Variants in ARFGEF1 observed in about 807,000 individuals in gnomAD.
ARFGEF1 encodes ARF guanine nucleotide exchange factor 1.
ARFGEF1 carries 42 observed loss-of-function variants against 231.0 expected under a neutral mutation model. The observed-to-expected ratio is 0.18, with a 90% CI of 0.14 to 0.24. The LOEUF is 0.24. Ranked by LOEUF, ARFGEF1 falls within the 10% of genes least tolerant of loss-of-function variation. ARFGEF1 has a pLI of 1.00. For synonymous variants in ARFGEF1, 710 were observed against 732.3 expected (o/e 0.97, Z 0.49); for missense variants, 1,345 against 2,192.0 (o/e 0.61, Z 7.72).
chr8:67,328,022 T>G (rs1282764009), intron 1 of ARFGEF1, among the ~76,000 whole-genome samples: 2 of 152,116 alleles, frequency 1.3e-5, no homozygotes, highest in African/African-American at 4.8e-5. Flanking sequence ...CTAGAAGAAT[T>G]TGAAATAGAG....
intron 1 of ARFGEF1, among the ~76,000 whole-genome samples, chr8:67,319,815 T>C (rs1807494919): frequency 6.6e-6 from 1 of 152,154 alleles, no homozygotes; most frequent in Admixed American, 6.5e-5. Flanking sequence ...ATCTAGAATA[T>C]ATACTTTAAA....
intron 29 of ARFGEF1, among the ~76,000 whole-genome samples, chr8:67,222,220 T>TATACAC (rs1563846486): frequency 4.6e-4 from 55 of 120,784 alleles, no homozygotes; most frequent in African/African-American, 1.7e-3. Context: ...CACATATATA[T>TATACAC]ATATGTATAT....
At chr8:67,255,427 T>C (rs1224214211) in intron 17 of ARFGEF1, among the ~76,000 whole-genome samples, 4 of 152,060 alleles carry the variant, frequency 2.6e-5, no homozygotes, top group Admixed American at 1.3e-4. Flanking sequence ...TGCCTAAAAT[T>C]TTTTTTTAAT....
intron 1 of ARFGEF1, among the ~76,000 whole-genome samples, chr8:67,313,796 C>T (rs998485476): frequency 3.3e-5 from 5 of 152,238 alleles, no homozygotes; most frequent in Admixed American, 6.5e-5. Flanking sequence ...TGGAGAGGGA[C>T]CTGCAGTAGA....
chr8:67,288,696 G>A (rs1456140645), intron 6 of ARFGEF1, among the ~76,000 whole-genome samples: 1 of 151,890 alleles, frequency 6.6e-6, no homozygotes, highest in African/African-American at 2.4e-5. Context: ...CTGCACCACC[G>A]CACTCCACCC....
chr8:67,179,785 G>A, intron 5 of ARFGEF1: 1 of 927,008 alleles, frequency 1.1e-6, no homozygotes, highest in Non-Finnish European at 1.8e-6. Context: ...GTGGAAACTT[G>A]TGCCTCTTCT....
chr8:67,338,789 C>T (rs1808464127), intron 1 of ARFGEF1, among the ~76,000 whole-genome samples: 1 of 152,184 alleles, frequency 6.6e-6, no homozygotes, highest in Non-Finnish European at 1.5e-5. Flanking sequence ...ACTGAAAACA[C>T]CTTTTACTTT....
intron 7 of ARFGEF1, among the ~76,000 whole-genome samples, chr8:67,281,299 A>C (rs1425251954): frequency 6.6e-6 from 1 of 152,080 alleles, no homozygotes; most frequent in African/African-American, 2.4e-5. Context: ...AGAATTAACA[A>C]TAACAACAAA....
intron 5 of ARFGEF1, chr8:67,177,796 A>G: frequency 9.6e-7 from 1 of 1,041,402 alleles, no homozygotes; most frequent in Admixed American, 1.7e-5. Context: ...TATGATGATC[A>G]AGTAATTCAA....
chr8:67,289,026 CTG>C lies in ARFGEF1; in HGVS notation c.917-963_917-962del, dbSNP rs201102332. On this transcript the variant is annotated intron_variant, in intron 6 of 38. Coordinates refer to ENST00000262215, the MANE Select transcript of ARFGEF1 (RefSeq NM_006421.5). ...GAACTTCTGAATAGCCTAAGAGAAA[CTG>C]ATGAAATCTGATGTTCTGGATAGCT... is the stretch of plus-strand genomic sequence containing the variant. Among the ~76,000 whole-genome samples, 55 of 151,946 alleles carry C rather than the reference CTG, an allele frequency of 3.6e-4. No homozygotes were observed. The East Asian group carries it at 8.5e-3, about 24-fold the overall frequency.
At chr8:67,315,203 A>G (rs1807250670) in intron 1 of ARFGEF1, among the ~76,000 whole-genome samples, 1 of 152,218 alleles carries the variant, frequency 6.6e-6, no homozygotes, top group Non-Finnish European at 1.5e-5. Flanking sequence ...CAAATACATC[A>G]AGAATACATA....
intron 22 of ARFGEF1, among the ~76,000 whole-genome samples, chr8:67,234,553 T>G (rs1385277637): frequency 6.6e-6 from 1 of 152,030 alleles, no homozygotes; most frequent in Non-Finnish European, 1.5e-5. Flanking sequence ...TTCACATACT[T>G]GGTAGTATAG....
At chr8:67,298,025 C>T (rs1332910459) in intron 4 of ARFGEF1, among the ~76,000 whole-genome samples, 4 of 151,818 alleles carry the variant, frequency 2.6e-5, no homozygotes, top group African/African-American at 4.8e-5. Context: ...AGGCTGGTCT[C>T]GAACTTCTGG....
At chr8:67,270,579 TACA>T (rs1297560331) in intron 10 of ARFGEF1, among the ~76,000 whole-genome samples, 1 of 151,796 alleles carries the variant, frequency 6.6e-6, no homozygotes, top group African/African-American at 2.4e-5. Context: ...TTCAAAACCA[TACA>T]ACATCACAAC....
chr8:67,194,438 A>T (rs1213183461), downstream of ARFGEF1, among the ~76,000 whole-genome samples: 1 of 152,240 alleles, frequency 6.6e-6, no homozygotes, highest in Non-Finnish European at 1.5e-5. Flanking sequence ...CCAAACACAA[A>T]GCAGACATGG....
At chr8:67,318,450 C>A (rs1807428471) in intron 1 of ARFGEF1, among the ~76,000 whole-genome samples, 1 of 151,998 alleles carries the variant, frequency 6.6e-6, no homozygotes, top group African/African-American at 2.4e-5. Flanking sequence ...CAACTTTGTA[C>A]TGAACATCCC....
At chr8:67,306,824 C>A (rs1263470460) in intron 1 of ARFGEF1, among the ~76,000 whole-genome samples, 2 of 152,314 alleles carry the variant, frequency 1.3e-5, no homozygotes, top group Middle Eastern at 3.4e-3. Context: ...GTTGCCCAGG[C>A]TGAAGTGCAG....
At chr8:67,251,636 A>G (rs916532623) in intron 18 of ARFGEF1, among the ~76,000 whole-genome samples, 186 bp from the exon 19 acceptor site, 10 of 152,230 alleles carry the variant, frequency 6.6e-5, no homozygotes, top group South Asian at 2.1e-4. Flanking sequence ...ATCCATAGAA[A>G]TAGAAAGTAG....
In ARFGEF1 at chr8:67,271,682, T is replaced by A; in HGVS notation, c.1572+20A>T. The A allele has an allele frequency of 6.6e-7, 1 of 1,513,710 alleles. No homozygotes were observed. The highest frequency in any genetic ancestry group is 9.1e-7 in the Non-Finnish European group (1 of 1,095,026). 93.8% of individuals were successfully genotyped at this position (1,513,710 alleles called of 1,614,324 possible). Reference sequence around the variant, plus strand: ...AATGAAATATCCAATAGTAACATTATGCCTAAATGCAAAACGTACCTCAAT... The same window carrying A: ...AATGAAATATCCAATAGTAACATTAAGCCTAAATGCAAAACGTACCTCAAT... On this transcript the variant is annotated intron_variant, in intron 10 of 38. Transcript: ENST00000262215.
Sources: gnomAD v4.1 joint callset for allele counts (sites outside exome capture counted in the v4.1 genomes callset) on GRCh38, gnomAD v4.1.1 for gene constraint, MANE v1.5 for transcripts, NCBI Gene and HGNC (gene_info 2026-07-23, HGNC 2026-07-21) for gene names.